The following GLB1L2 variants were observed in gnomAD, a reference collection of about 807,000 sequenced individuals.
The protein encoded by GLB1L2 is galactosidase beta 1 like 2.
GLB1L2 carries 68 observed loss-of-function variants against 84.1 expected under a neutral mutation model. That is an observed-to-expected ratio of 0.81 (90% CI 0.67 to 0.99). The LOEUF (loss-of-function observed/expected upper bound fraction) is 0.99, where lower values mean the gene tolerates loss of function less well. GLB1L2 is among the 50% of genes least tolerant of loss of function. GLB1L2 has a pLI of 0.00. For missense variants in GLB1L2, 762 were observed against 805.6 expected (o/e 0.95, Z 0.66); for synonymous variants, 290 against 318.0 (o/e 0.91, Z 0.94).
chr11:134,365,312 G>A (rs982648073), intron 8 of GLB1L2, among the ~76,000 whole-genome samples: 2 of 152,224 alleles, frequency 1.3e-5, no homozygotes. Flanking sequence ...CCGCTCCCAG[G>A]CAGGCTCCTG....
At chr11:134,350,064 G>T (rs1485950940) in intron 5 of GLB1L2, among the ~76,000 whole-genome samples, 1 of 152,212 alleles carries the variant, frequency 6.6e-6, no homozygotes, top group Non-Finnish European at 1.5e-5. Flanking sequence ...TCGTTGCTGT[G>T]AGCTGCGCTA....
intron 8 of GLB1L2, chr11:134,367,029 G>A: frequency 5.2e-6 from 3 of 574,012 alleles, no homozygotes; most frequent in Non-Finnish European, 9.4e-6. Context: ...TCGACTTTGG[G>A]AGCTTTATCT....
At chr11:134,356,619 G>T (rs1943706524) in intron 6 of GLB1L2, among the ~76,000 whole-genome samples, 1 of 152,178 alleles carries the variant, frequency 6.6e-6, no homozygotes, top group South Asian at 2.1e-4. Flanking sequence ...CAGGGGCTGG[G>T]AATAAAGGAA....
chr11:134,348,432 A>G (rs1444992460), intron 5 of GLB1L2, among the ~76,000 whole-genome samples: 1 of 152,208 alleles, frequency 6.6e-6, no homozygotes, highest in East Asian at 1.9e-4. Flanking sequence ...AGCAGGTTGT[A>G]GGAGTCGGGT....
chr11:134,332,059 G>T lies in GLB1L2; in HGVS notation c.-3G>T. Reference sequence around the variant, plus strand: ...CCGGGTCCCCGCGCTTAGAGAACACGCGATGACCACGTGGAGCCTCCGGCG... The same window carrying T: ...CCGGGTCCCCGCGCTTAGAGAACACTCGATGACCACGTGGAGCCTCCGGCG... On this transcript the variant is annotated 5_prime_UTR_variant, in exon 1 of 19. Coordinates refer to ENST00000535456, the MANE Select transcript of GLB1L2 (RefSeq NM_001370461.1). 3.2e-6 allele frequency: 5 copies of T among 1,569,400 alleles called. No individual in the cohort carries two copies. The highest frequency in any genetic ancestry group is 3.5e-6 in the Non-Finnish European group (4 of 1,158,916).
chr11:134,351,952 C>T (rs745489276), intron 5 of GLB1L2, among the ~76,000 whole-genome samples: 2 of 152,060 alleles, frequency 1.3e-5, no homozygotes, highest in Non-Finnish European at 1.5e-5. Flanking sequence ...CTGTATTCTA[C>T]CTTATAGAAT....
intron 7 of GLB1L2, chr11:134,361,282 T>C (rs934137427): frequency 1.3e-5 from 2 of 152,212 alleles, no homozygotes; most frequent in African/African-American, 4.8e-5. Flanking sequence ...GCCCCGATGG[T>C]ACCCCTGCAC....
Position 134,347,777 on chromosome 11 carries a change from C to T in GLB1L2, c.558+344C>T, listed in dbSNP as rs560737252. Among the ~76,000 whole-genome samples the T allele has an allele frequency of 3.9e-5, 6 of 152,276 alleles. No individual in the cohort carries two copies. In the South Asian group the frequency reaches 1.0e-3, roughly 26 times the overall value. ...ACAGAGACAGGGATGAGGTGATAGC[C>T]GGGAACACCCATCTATCTACCAGTG... On this transcript the variant is annotated intron_variant, in intron 5 of 18. Coordinates refer to ENST00000535456, the MANE Select transcript of GLB1L2 (RefSeq NM_001370461.1).
At chr11:134,344,627 C>T (rs559303183) in intron 3 of GLB1L2, among the ~76,000 whole-genome samples, 172 bp downstream of exon 3, 9 of 152,394 alleles carry the variant, frequency 5.9e-5, no homozygotes, top group African/African-American at 2.2e-4. Context: ...CGTGACCTGT[C>T]ACCCAGAGGG....
At chr11:134,363,642 A>T (rs1943828431) in intron 7 of GLB1L2, among the ~76,000 whole-genome samples, 1 of 152,228 alleles carries the variant, frequency 6.6e-6, no homozygotes, top group Admixed American at 6.5e-5. Flanking sequence ...CTTATCAAGA[A>T]ATCAGAGAGG....
chr11:134,371,692 A>C, intron 14 of GLB1L2, 60 bp from the exon 15 acceptor site: 1 of 1,566,818 alleles, frequency 6.4e-7, no homozygotes, highest in Admixed American at 1.7e-5. Flanking sequence ...GTCCACAAGC[A>C]AATTCTGAGG....
chr11:134,367,807 C>T (rs1048380838), intron 9 of GLB1L2, among the ~76,000 whole-genome samples: 1 of 152,238 alleles, frequency 6.6e-6, no homozygotes, highest in Non-Finnish European at 1.5e-5. Flanking sequence ...TACAGATTTA[C>T]ATGACTGTTT....
At chr11:134,340,840 T>C (rs1943451788) in intron 1 of GLB1L2, among the ~76,000 whole-genome samples, 2 of 152,238 alleles carry the variant, frequency 1.3e-5, no homozygotes, top group African/African-American at 4.8e-5. Context: ...CAAAATATTA[T>C]GCTTTTGATT....
chr11:134,347,100 C>T lies in GLB1L2; in HGVS notation c.450-225C>T. On this transcript the variant is annotated intron_variant, in intron 4 of 18. Transcript: ENST00000535456. ...TAGCTGTGGAGCTGGAAATGAACTTCCACCAGGCTGTGTCCTTGGGGAGGG... is the reference window on the plus strand; with the variant it reads ...TAGCTGTGGAGCTGGAAATGAACTTTCACCAGGCTGTGTCCTTGGGGAGGG... The T allele has an allele frequency of 2.1e-5, 11 of 515,126 alleles. No homozygotes were observed. The South Asian group carries it at 3.1e-4, about 14-fold the overall frequency. 31.9% of individuals were successfully genotyped at this position (515,126 alleles called of 1,614,324 possible). A position where few individuals can be genotyped will look rare whatever the true frequency, so the allele number is the denominator to read the frequency against.
Position 134,342,791 on chromosome 11 carries a change from C to T in GLB1L2, c.124C>T (p.His42Tyr), listed in dbSNP as rs1402688050. 6.2e-7 allele frequency: 1 copy of T among 1,613,900 alleles called. No individual in the cohort carries two copies. Among genetic ancestry groups the T allele is most frequent in the Non-Finnish European group, 8.5e-7 (1 of 1,180,020 alleles). The change falls in exon 2 of 19, where the codon CAT becomes TAT. Residue 42 changes from histidine (H) to tyrosine (Y), a missense_variant. His to Tyr is a moderately conservative substitution (Grantham distance 83, BLOSUM62 2). Around this residue, in one of 3 missense-constraint regions of GLB1L2, gnomAD observed 100 missense variants for 88.8 expected, o/e 1.13. Coordinates refer to ENST00000535456, the MANE Select transcript of GLB1L2 (RefSeq NM_001370461.1). ...CACCCTGGTCCCTCTGCGGCTCCGC[C>T]ATCGACAGCTGGGGCTGCAGGCCAA... The part of the protein sequence containing the change: ...WSTLVPLRLR[H>Y]RQLGLQAKGW...
chr11:134,363,207 A>G (rs888903793), intron 7 of GLB1L2, among the ~76,000 whole-genome samples: 2 of 152,116 alleles, frequency 1.3e-5, no homozygotes, highest in African/African-American at 4.8e-5. Context: ...GGGCAGAGCT[A>G]TGGTATGGTG....
In GLB1L2 at chr11:134,338,789, G is replaced by A. The variant is rs183793344; in HGVS notation, c.87-3965G>A. Among the ~76,000 whole-genome samples the A allele has an allele frequency of 6.6e-6, 1 of 152,292 alleles. No individual in the cohort carries two copies. The highest frequency in any genetic ancestry group is 1.9e-4 in the East Asian group (1 of 5,172). On this transcript the variant is annotated intron_variant, in intron 1 of 18. Transcript: ENST00000535456. The surrounding 1 kb of genome is among the most constrained non-coding windows in gnomAD (Gnocchi z 6.2). ...GAACTGGTGAGGATGGGCTGTAGAG[G>A]TCTTGTTAGGTTGTGCGCGGCCCCA...
rs138638371 is a variant in GLB1L2 at position 134,342,973 on chromosome 11, C to G, written c.284+22C>G. ...CCACGTAGGTGCTGCCCCTGTCCCC[C>G]CGGAGCCTGGTTCCTAAGCAGGGCG... On this transcript the variant is annotated intron_variant, in intron 2 of 18. Transcript: ENST00000535456. 1.1e-3 allele frequency: 1,727 copies of G among 1,591,634 alleles called. 9 individuals are homozygous for G. Among genetic ancestry groups the G allele is most frequent in the African/African-American group, 8.2e-3 (611 of 74,290 alleles).
chr11:134,356,680 C>T (rs980717124), intron 6 of GLB1L2, among the ~76,000 whole-genome samples: 6 of 152,184 alleles, frequency 3.9e-5, no homozygotes, highest in African/African-American at 1.4e-4. Flanking sequence ...AGAGGCGGCT[C>T]CAATTCTAAA....
Sources: gnomAD v4.1 joint callset for allele counts (sites outside exome capture counted in the v4.1 genomes callset) on GRCh38, gnomAD v4.1.1 for gene constraint, gnomAD v4.1.1 regional missense constraint, Gnocchi (gnomAD v3.1) non-coding constraint, MANE v1.5 for transcripts, NCBI Gene and HGNC (gene_info 2026-07-23, HGNC 2026-07-21) for gene names.